Variants in RAB6B observed in about 807,000 individuals in gnomAD.
The protein encoded by RAB6B is RAB6B, member RAS oncogene family, also known as ras-related protein Rab-6B.
RAB6B carries 7 observed loss-of-function variants against 31.2 expected under a neutral mutation model. That is an observed-to-expected ratio of 0.22 (90% CI 0.13 to 0.42). RAB6B has a LOEUF of 0.42. Ranked by LOEUF, RAB6B falls within the 10% of genes least tolerant of loss-of-function variation. The pLI is 1.00. For synonymous variants in RAB6B, 105 were observed against 104.9 expected, an observed-to-expected ratio of 1.00 and a Z score of -0.01; for missense variants, 149 against 280.6, an observed-to-expected ratio of 0.53 and a Z score of 3.35.
At position 133,827,682 on chromosome 3, in the gene RAB6B, A is replaced by C; in HGVS notation, c.*1106T>G. ...AAATCAGCTTTTCCAGAAAGCACTC[A>C]ACAATATTAGCAGCTGAGGCTCTAA... On this transcript the variant is annotated 3_prime_UTR_variant, in exon 8 of 8. Coordinates refer to ENST00000285208, the MANE Select transcript of RAB6B (RefSeq NM_016577.4). The C allele has an allele frequency of 1.7e-6, 1 of 575,990 alleles. No homozygotes were observed. The highest frequency in any genetic ancestry group is 3.1e-6 in the Non-Finnish European group (1 of 324,080). 35.7% of individuals were successfully genotyped at this position (575,990 alleles called of 1,614,324 possible).
chr3:133,849,378 C>A (rs926271064), intron 2 of RAB6B, among the ~76,000 whole-genome samples: 2 of 152,218 alleles, frequency 1.3e-5, no homozygotes, highest in African/African-American at 4.8e-5. Flanking sequence ...GAATCACAAT[C>A]TCTGGGAATC....
At chr3:133,860,720 A>G (rs1310599006) in intron 2 of RAB6B, among the ~76,000 whole-genome samples, 1 of 152,178 alleles carries the variant, frequency 6.6e-6, no homozygotes, top group Non-Finnish European at 1.5e-5. Flanking sequence ...AGAGCTTCAC[A>G]GGCCTCCAGA....
chr3:133,878,524 T>A (rs1936426749), intron 1 of RAB6B, among the ~76,000 whole-genome samples: 2 of 152,130 alleles, frequency 1.3e-5, no homozygotes, highest in South Asian at 4.2e-4. Context: ...CACTCTCACA[T>A]CAAGAAATGT....
chr3:133,874,449 C>T (rs899794990), intron 1 of RAB6B, among the ~76,000 whole-genome samples: 13 of 152,118 alleles, frequency 8.5e-5, no homozygotes, highest in African/African-American at 3.1e-4. Context: ...CCAAACATAT[C>T]TAAACAGCAA....
chr3:133,828,962 G>T, intron 7 of RAB6B, 110 bp from the exon 8 acceptor site: 2 of 1,055,842 alleles, frequency 1.9e-6, no homozygotes, highest in Non-Finnish European at 2.7e-6. Context: ...CAAACACCTA[G>T]GGACTTGGCT....
chr3:133,828,276 G>A lies in RAB6B; in HGVS notation c.*512C>T. On this transcript the variant is annotated 3_prime_UTR_variant, in exon 8 of 8. Coordinates refer to ENST00000285208, the MANE Select transcript of RAB6B (RefSeq NM_016577.4). The stretch of plus-strand genomic sequence containing the variant: ...TTAACTGGAGTAGGGCCTAGAGAGT[G>A]GGGCCAGATGGCCCCAGACTGAAGC... 2.2e-6 allele frequency: 1 copy of A among 450,138 alleles called. No homozygotes were observed. Among genetic ancestry groups the A allele is most frequent in the East Asian group, 4.1e-5 (1 of 24,348 alleles). 27.9% of individuals were successfully genotyped at this position (450,138 alleles called of 1,614,324 possible). A position where few individuals can be genotyped will look rare whatever the true frequency, so the allele number is the denominator to read the frequency against.
At chr3:133,838,034 A>T in intron 6 of RAB6B, 132 bp downstream of exon 6, 1 of 919,030 alleles carries the variant, frequency 1.1e-6, no homozygotes. Flanking sequence ...GGGCGCATCT[A>T]TGGGTGTTCT....
At chr3:133,847,608 T>C (rs1009009781) in intron 2 of RAB6B, among the ~76,000 whole-genome samples, 2 of 152,224 alleles carry the variant, frequency 1.3e-5, no homozygotes, top group African/African-American at 4.8e-5. Context: ...CTCTTCTCAA[T>C]GGGCTTGCTT....
chr3:133,850,162 C>T (rs1376342175), intron 2 of RAB6B, among the ~76,000 whole-genome samples: 1 of 152,172 alleles, frequency 6.6e-6, no homozygotes, highest in East Asian at 1.9e-4. Context: ...ACAAAAAAAT[C>T]TGAACATAAC....
At chr3:133,859,611 C>T (rs1001178452) in intron 2 of RAB6B, among the ~76,000 whole-genome samples, 1 of 152,240 alleles carries the variant, frequency 6.6e-6, no homozygotes, top group Admixed American at 6.5e-5. Context: ...CCAAGGCTGG[C>T]AACCCCCTGG....
At chr3:133,840,419 G>A (rs1162202353) in intron 4 of RAB6B, among the ~76,000 whole-genome samples, 2 of 152,248 alleles carry the variant, frequency 1.3e-5, no homozygotes, top group African/African-American at 4.8e-5. Context: ...ATGTGCCTCA[G>A]GCCATGTGAA....
At chr3:133,884,342 C>A (rs533159260) in intron 1 of RAB6B, among the ~76,000 whole-genome samples, 3 of 152,340 alleles carry the variant, frequency 2.0e-5, no homozygotes, top group African/African-American at 4.8e-5. Flanking sequence ...GAACAGGCTG[C>A]CTTCTCTGGG....
intron 2 of RAB6B, among the ~76,000 whole-genome samples, chr3:133,843,170 A>C (rs144056011): frequency 1.5e-4 from 23 of 152,336 alleles, no homozygotes; most frequent in African/African-American, 4.6e-4. Flanking sequence ...ACGATGCTAG[A>C]ATGTGGGCAC....
intron 6 of RAB6B, among the ~76,000 whole-genome samples, chr3:133,835,056 G>A (rs1355666371): frequency 6.6e-6 from 1 of 152,178 alleles, no homozygotes; most frequent in East Asian, 1.9e-4. Flanking sequence ...ACTTGCCCTT[G>A]AGATGAATGA....
intron 1 of RAB6B, among the ~76,000 whole-genome samples, chr3:133,868,296 C>T (rs1936265664): frequency 6.6e-6 from 1 of 152,218 alleles, no homozygotes; most frequent in East Asian, 1.9e-4. Flanking sequence ...GTCCCCCAAC[C>T]ATAAGGGGTG....
intron 2 of RAB6B, among the ~76,000 whole-genome samples, chr3:133,860,042 G>A (rs1559906979): frequency 6.6e-6 from 1 of 152,214 alleles, no homozygotes. Flanking sequence ...CTCGGAGCCT[G>A]CAGGGGCTAT....
At chr3:133,863,738 A>C (rs1338731433) in intron 2 of RAB6B, among the ~76,000 whole-genome samples, 2 of 152,224 alleles carry the variant, frequency 1.3e-5, no homozygotes, top group Non-Finnish European at 2.9e-5. Flanking sequence ...TCTTGGAATT[A>C]GTATCTCACA....
chr3:133,839,414 C>T, intron 5 of RAB6B, 92 bp downstream of exon 5: 1 of 1,120,002 alleles, frequency 8.9e-7, no homozygotes, highest in African/African-American at 1.5e-5. Flanking sequence ...GAAGCACAGA[C>T]ACACCACCCA....
intron 1 of RAB6B, among the ~76,000 whole-genome samples, chr3:133,868,699 G>A (rs1936276155): frequency 6.6e-6 from 1 of 152,186 alleles, no homozygotes; most frequent in Non-Finnish European, 1.5e-5. Context: ...ACATGATTAA[G>A]CAAGGAGATG....
Sources: allele counts gnomAD v4.1 joint callset (sites outside exome capture counted in the v4.1 genomes callset), GRCh38; gene constraint gnomAD v4.1.1; transcripts MANE v1.5; gene names NCBI Gene and HGNC (gene_info 2026-07-23, HGNC 2026-07-21).